Variants in ARB2A observed in about 807,000 individuals in gnomAD.
ARB2A encodes the protein ARB2 cotranscriptional regulator A.
the ARB2A span, among the ~76,000 whole-genome samples, chr5:93,979,501 C>T: frequency 5.9e-5 from 9 of 151,808 alleles, no homozygotes; most frequent in Admixed American, 2.0e-4. Context: ...TATTGATTAA[C>T]CAAAAAAAGC....
the ARB2A span, among the ~76,000 whole-genome samples, chr5:93,830,441 T>C: frequency 6.7e-6 from 1 of 150,348 alleles, no homozygotes; most frequent in Non-Finnish European, 1.5e-5. Flanking sequence ...ATCCTGGCCT[T>C]TAATAAGTTA....
the ARB2A span, among the ~76,000 whole-genome samples, chr5:94,016,265 T>C: frequency 7.2e-5 from 11 of 152,210 alleles, no homozygotes; most frequent in African/African-American, 2.2e-4. Context: ...CCTGGGGGTA[T>C]AGTGTTAAGA....
the ARB2A span, among the ~76,000 whole-genome samples, chr5:93,969,723 A>G: frequency 6.6e-6 from 1 of 152,238 alleles, no homozygotes; most frequent in African/African-American, 2.4e-5. Flanking sequence ...TCCTACTATG[A>G]ATTTACTTTT....
chr5:94,027,018 G>C, the ARB2A span, among the ~76,000 whole-genome samples: 5 of 152,170 alleles, frequency 3.3e-5, no homozygotes, highest in African/African-American at 1.2e-4. Context: ...GCCTGTTACT[G>C]TTTCAAGGAT....
the ARB2A span, among the ~76,000 whole-genome samples, chr5:94,070,397 G>T: frequency 6.6e-6 from 1 of 152,002 alleles, no homozygotes; most frequent in Non-Finnish European, 1.5e-5. Context: ...CAGTTAGATA[G>T]AAGGGATAAG....
the ARB2A span, among the ~76,000 whole-genome samples, chr5:93,942,131 A>C: frequency 6.6e-6 from 1 of 152,210 alleles, no homozygotes; most frequent in African/African-American, 2.4e-5. Context: ...TGATGCAACA[A>C]GCAGACCTGT....
chr5:93,853,371 G>A, the ARB2A span, among the ~76,000 whole-genome samples: 6 of 152,208 alleles, frequency 3.9e-5, no homozygotes, highest in African/African-American at 1.4e-4. Flanking sequence ...AGACAATGGA[G>A]TTTTCTAGAT....
the ARB2A span, among the ~76,000 whole-genome samples, chr5:94,098,516 T>A: frequency 6.6e-6 from 1 of 152,078 alleles, no homozygotes; most frequent in Non-Finnish European, 1.5e-5. Context: ...GCATTAAATG[T>A]CCACATCAAA....
At chr5:93,853,962 C>T in the ARB2A span, among the ~76,000 whole-genome samples, 3 of 152,284 alleles carry the variant, frequency 2.0e-5, no homozygotes, top group South Asian at 4.1e-4. Flanking sequence ...CAGGATGATG[C>T]TGGCCTCATA....
chr5:93,762,990 C>A, the ARB2A span, among the ~76,000 whole-genome samples: 1 of 152,224 alleles, frequency 6.6e-6, no homozygotes, highest in African/African-American at 2.4e-5. Flanking sequence ...CCTTTACAGA[C>A]AAGCAAATGC....
At chr5:93,681,113 T>C in the ARB2A span, among the ~76,000 whole-genome samples, 1 of 151,914 alleles carries the variant, frequency 6.6e-6, no homozygotes, top group African/African-American at 2.4e-5. Flanking sequence ...ATGTTTCCTT[T>C]TTTTTCCAGT....
chr5:93,689,030 C>A, the ARB2A span, among the ~76,000 whole-genome samples: 1 of 152,296 alleles, frequency 6.6e-6, no homozygotes, highest in East Asian at 1.9e-4. Context: ...AATCCCTTTT[C>A]CAAGTTTTTA....
At chr5:93,665,253 T>G in the ARB2A span, among the ~76,000 whole-genome samples, 2 of 152,240 alleles carry the variant, frequency 1.3e-5, no homozygotes, top group African/African-American at 2.4e-5. Context: ...TTACTTCTTT[T>G]AATAGTGAAG....
the ARB2A span, among the ~76,000 whole-genome samples, chr5:94,070,249 G>A: frequency 6.6e-6 from 1 of 152,116 alleles, no homozygotes; most frequent in African/African-American, 2.4e-5. Context: ...CACAGTGCAT[G>A]TTCTCACTCA....
the ARB2A span, among the ~76,000 whole-genome samples, chr5:93,905,298 GTAGT>G: frequency 6.6e-6 from 1 of 151,544 alleles, no homozygotes; most frequent in Non-Finnish European, 1.5e-5. Flanking sequence ...AAAATGACAA[GTAGT>G]TAAACAAATA....
chr5:94,038,679 C>A, the ARB2A span, among the ~76,000 whole-genome samples: 2 of 151,892 alleles, frequency 1.3e-5, no homozygotes. Flanking sequence ...GACTTAAAAA[C>A]AATTCCTACT....
chr5:93,910,197 C>T, the ARB2A span, among the ~76,000 whole-genome samples: 4 of 150,720 alleles, frequency 2.7e-5, no homozygotes, highest in African/African-American at 9.7e-5. Context: ...AATAAACTTA[C>T]ATGTACTGAT....
chr5:93,626,429 T>G, the ARB2A span, among the ~76,000 whole-genome samples: 2 of 152,206 alleles, frequency 1.3e-5, no homozygotes, highest in South Asian at 2.1e-4. Flanking sequence ...CCATTCACTC[T>G]TATAATTATT....
chr5:93,830,301 G>GTGTGTGTGTGTGTA, the ARB2A span, among the ~76,000 whole-genome samples: 748 of 15,008 alleles, frequency 0.05, 22 homozygotes, highest in Non-Finnish European at 0.064. Context: ...GTATATATAT[G>GTGTGTGTGTGTGTA]TGTGTGTGTG....
Sources: allele counts gnomAD v4.1 joint callset (sites outside exome capture counted in the v4.1 genomes callset), GRCh38; gene constraint gnomAD v4.1.1; transcripts MANE v1.5; gene names NCBI Gene and HGNC (gene_info 2026-07-23, HGNC 2026-07-21).